IPO11: variants seen among roughly 807,000 people sequenced by gnomAD.
IPO11 encodes importin-11.
A neutral mutation model predicts 143.2 loss-of-function variants in IPO11; 66 were observed. The observed-to-expected ratio is 0.46, with a 90% confidence interval of 0.38 to 0.57. IPO11 has a LOEUF of 0.57. Among genes scored for constraint, IPO11 ranks in the 20% least tolerant of loss-of-function variants. The probability of loss-of-function intolerance (pLI) is 0.00; values close to 1 mark genes in which losing one functional copy is unlikely to be tolerated. For missense variants in IPO11, 1,026 were observed against 1,141.0 expected (o/e 0.90, Z 1.45); for synonymous variants, 385 against 377.8 (o/e 1.02, Z -0.22).
At chr5:62,502,444 G>T (rs1004598608) in intron 16 of IPO11, among the ~76,000 whole-genome samples, 1 of 152,122 alleles carries the variant, frequency 6.6e-6, no homozygotes, top group Admixed American at 6.6e-5. Flanking sequence ...AGGAAGAGCC[G>T]ACTGTTTTTC....
intron 24 of IPO11, among the ~76,000 whole-genome samples, chr5:62,541,597 C>T (rs1742940512): frequency 1.3e-5 from 2 of 151,854 alleles, no homozygotes; most frequent in African/African-American, 4.8e-5. Flanking sequence ...GGGAGGATCT[C>T]TTGAGCCTGG....
chr5:62,463,342 AG>A (rs1745443464), intron 5 of IPO11, among the ~76,000 whole-genome samples: 1 of 151,968 alleles, frequency 6.6e-6, no homozygotes, highest in Admixed American at 6.5e-5. Flanking sequence ...TACCATGCCC[AG>A]GGTGTACTTT....
At chr5:62,415,556 C>G (rs1743263829) in intron 1 of IPO11, among the ~76,000 whole-genome samples, 1 of 151,156 alleles carries the variant, frequency 6.6e-6, no homozygotes, top group African/African-American at 2.4e-5. Flanking sequence ...GCAACCTCCG[C>G]CTCCTGGGTT....
chr5:62,467,911 T>A (rs960029069), intron 6 of IPO11, among the ~76,000 whole-genome samples: 1 of 152,186 alleles, frequency 6.6e-6, no homozygotes, highest in African/African-American at 2.4e-5. Flanking sequence ...CTTTCTGTTC[T>A]GGTTGCTAAG....
intron 1 of IPO11, among the ~76,000 whole-genome samples, chr5:62,437,008 C>T (rs1389827676): frequency 1.3e-5 from 2 of 152,118 alleles, no homozygotes; most frequent in African/African-American, 4.8e-5. Context: ...GTGTGTATCT[C>T]CCCTCCCTCA....
At chr5:62,579,941 T>A (rs1429133966) in intron 27 of IPO11, 8 of 1,551,218 alleles carry the variant, frequency 5.2e-6, no homozygotes, top group Non-Finnish European at 7.0e-6. Context: ...AGGAATCGCC[T>A]CACTGTCCTT....
intron 9 of IPO11, among the ~76,000 whole-genome samples, chr5:62,481,487 C>A (rs377303918): frequency 2.0e-4 from 31 of 152,054 alleles, no homozygotes; most frequent in Non-Finnish European, 3.1e-4. Context: ...TGAATTTTGT[C>A]GAAGGCCTTT....
chr5:62,472,735 G>A (rs1745826393), intron 7 of IPO11, among the ~76,000 whole-genome samples: 1 of 151,938 alleles, frequency 6.6e-6, no homozygotes, highest in African/African-American at 2.4e-5. Flanking sequence ...CACAATGTTG[G>A]CCAGGCTGGT....
intron 3 of IPO11, among the ~76,000 whole-genome samples, chr5:62,445,089 A>G (rs1744673340): frequency 1.3e-5 from 2 of 152,084 alleles, no homozygotes. Context: ...CTTTTAGTAT[A>G]TATTGAAATA....
At chr5:62,528,348 C>G (rs1175222826) in intron 21 of IPO11, among the ~76,000 whole-genome samples, 4 of 152,110 alleles carry the variant, frequency 2.6e-5, no homozygotes, top group Non-Finnish European at 5.9e-5. Flanking sequence ...GTGGTAAGAA[C>G]AGAAATTAGA....
chr5:62,463,380 A>T (rs1160415484), intron 5 of IPO11, among the ~76,000 whole-genome samples: 1 of 151,986 alleles, frequency 6.6e-6, no homozygotes, highest in African/African-American at 2.4e-5. Flanking sequence ...AGGTTTAAAC[A>T]GGGCCAGGCA....
chr5:62,541,781 A>G (rs769769043), intron 24 of IPO11, among the ~76,000 whole-genome samples: 1 of 152,200 alleles, frequency 6.6e-6, no homozygotes, highest in Non-Finnish European at 1.5e-5. Flanking sequence ...AAAATTCCAA[A>G]CTAACTTACT....
chr5:62,521,101 G>C (rs958176245), intron 20 of IPO11, among the ~76,000 whole-genome samples: 1 of 152,142 alleles, frequency 6.6e-6, no homozygotes, highest in African/African-American at 2.4e-5. Context: ...AGTTTGGACT[G>C]GTTTTACTTA....
At chr5:62,578,249 G>A (rs534080551) in intron 27 of IPO11, among the ~76,000 whole-genome samples, 1 of 152,104 alleles carries the variant, frequency 6.6e-6, no homozygotes, top group Admixed American at 6.5e-5. Context: ...GTAGTACTCA[G>A]TATTTTTTGC....
intron 5 of IPO11, among the ~76,000 whole-genome samples, chr5:62,461,655 A>G (rs1280755020): frequency 6.6e-6 from 1 of 152,134 alleles, no homozygotes; most frequent in South Asian, 2.1e-4. Flanking sequence ...TTTGTTTTTA[A>G]ATTTCCATAC....
chr5:62,534,344 T>G (rs189933773), intron 22 of IPO11, among the ~76,000 whole-genome samples: 1 of 152,176 alleles, frequency 6.6e-6, no homozygotes, highest in African/African-American at 2.4e-5. Flanking sequence ...AGCTGGTAAC[T>G]TTCTATCAAA....
chr5:62,417,120 G>T (rs1580151496), intron 1 of IPO11, among the ~76,000 whole-genome samples: 1 of 146,436 alleles, frequency 6.8e-6, no homozygotes. Flanking sequence ...ATTTTTCTTA[G>T]TTTTTTTTTT....
At chr5:62,535,451 T>C (rs941606018) in intron 22 of IPO11, among the ~76,000 whole-genome samples, 1 of 152,130 alleles carries the variant, frequency 6.6e-6, no homozygotes, top group East Asian at 1.9e-4. Flanking sequence ...TAATGTGAAT[T>C]TTTCATAATG....
At chr5:62,598,458 C>T (rs200110712) in intron 28 of IPO11, among the ~76,000 whole-genome samples, 7 of 3,186 alleles carry the variant, frequency 2.2e-3, no homozygotes, top group Admixed American at 0.012. Flanking sequence ...CTCTCTCTCT[C>T]TCTCTCTCTC....
Sources: gnomAD v4.1 joint callset for allele counts (sites outside exome capture counted in the v4.1 genomes callset) on GRCh38, gnomAD v4.1.1 for gene constraint, MANE v1.5 for transcripts, NCBI Gene and HGNC (gene_info 2026-07-23, HGNC 2026-07-21) for gene names.